The following MTAP variants were observed in gnomAD, a reference collection of about 807,000 sequenced individuals.
MTAP encodes methylthioadenosine phosphorylase.
A neutral mutation model predicts 33.6 loss-of-function variants in MTAP; 33 were observed. That is an observed-to-expected ratio of 0.98 (90% CI 0.74 to 1.31). MTAP has a LOEUF of 1.31. Among genes scored for constraint, MTAP ranks in the 40% most tolerant of loss-of-function variants. The pLI, the probability that MTAP is intolerant of heterozygous loss-of-function variation, is 0.00. For missense variants in MTAP, 367 were observed against 360.0 expected (o/e 1.02, Z -0.16); for synonymous variants, 148 against 125.7 (o/e 1.18, Z -1.19).
rs555865995 is a variant in MTAP, at chr9:21,918,383, A to G, written c.148-12625A>G. Among the ~76,000 whole-genome samples, 143 of 147,208 alleles carry G rather than the reference A, an allele frequency of 9.7e-4. 1 individual carries two copies. The highest frequency in any genetic ancestry group is 1.7e-3 in the Non-Finnish European group (117 of 66,986). Reference sequence around the variant, plus strand: ...AAAAAAAAAAAAAAAAAGAGTGATTAATGGACTTTGGGGGCTCGATGGGGG... The same window carrying G: ...AAAAAAAAAAAAAAAAAGAGTGATTGATGGACTTTGGGGGCTCGATGGGGG... On this transcript the variant is annotated intron_variant, in intron 1 of 1. Transcript: ENST00000577563.
Position 21,862,892 on chromosome 9 carries a change from G to C in MTAP, c.*878G>C. The C allele has an allele frequency of 1.1e-6, 1 of 929,250 alleles. No individual in the cohort carries two copies. The allele number at this position is 929,250 out of a possible 1,614,324, so 57.6% of individuals were successfully genotyped here. On this transcript the variant is annotated 3_prime_UTR_variant, in exon 8 of 8. Transcript: ENST00000644715. ...TTCTGTGTCTTCACATTTTTCTACA[G>C]TGAATTTAATCAAATAGTAAAGTTG...
intron 4 of MTAP, among the ~76,000 whole-genome samples, chr9:21,823,865 A>T (rs148499941): frequency 0.032 from 4,914 of 152,188 alleles, 239 homozygotes; most frequent in Admixed American, 0.15. Flanking sequence ...TCTGATCTTC[A>T]ATCACTGATA....
intron 1 of MTAP, among the ~76,000 whole-genome samples, chr9:21,873,219 CTTTG>C (rs935245604): frequency 5.3e-4 from 81 of 152,202 alleles, no homozygotes; most frequent in East Asian, 3.9e-4. Context: ...CAGTTATTTA[CTTTG>C]TTTTTTATCT....
intron 5 of MTAP, among the ~76,000 whole-genome samples, chr9:21,847,446 C>G (rs765768928): frequency 1.3e-5 from 2 of 152,136 alleles, no homozygotes; most frequent in Admixed American, 1.3e-4. Context: ...GCTAAGGACT[C>G]TACTTCTAAT....
intron 1 of MTAP, among the ~76,000 whole-genome samples, chr9:21,910,203 A>T (rs140513927): frequency 6.6e-6 from 1 of 152,194 alleles, no homozygotes; most frequent in African/African-American, 2.4e-5. Context: ...AACACTTACA[A>T]TGGGCCAGGC....
chr9:21,855,920 T>C (rs906473986), intron 6 of MTAP, among the ~76,000 whole-genome samples: 6 of 152,206 alleles, frequency 3.9e-5, no homozygotes, highest in African/African-American at 1.4e-4. Flanking sequence ...TGTACAAAAA[T>C]AATGATATTA....
Position 21,863,788 on chromosome 9 carries a change from G to C in MTAP, c.*1774G>C, listed in dbSNP as rs1233643940. ...AAGAGTTTGTAAAGTCAATGTGTTT[G>C]TTTGTGTCTCTGAGATTGACTTCAA... On this transcript the variant is annotated 3_prime_UTR_variant, in exon 8 of 8. Coordinates refer to ENST00000644715, the MANE Select transcript of MTAP (RefSeq NM_002451.4). The C allele has an allele frequency of 2.0e-6, 2 of 985,674 alleles. No homozygotes were observed. The highest frequency in any genetic ancestry group is 2.4e-6 in the Non-Finnish European group (2 of 829,912). 61.1% of individuals were successfully genotyped at this position (985,674 alleles called of 1,614,324 possible). A position where few individuals can be genotyped will look rare whatever the true frequency, so the allele number is the denominator to read the frequency against.
chr9:21,851,631 A>G (rs1239670682), intron 5 of MTAP, among the ~76,000 whole-genome samples: 1 of 152,170 alleles, frequency 6.6e-6, no homozygotes, highest in Non-Finnish European at 1.5e-5. Context: ...GATGGTTAAC[A>G]CTGAGTGTTA....
chr9:21,816,034 G>C (rs532889861), intron 2 of MTAP, among the ~76,000 whole-genome samples: 13 of 152,198 alleles, frequency 8.5e-5, no homozygotes, highest in Non-Finnish European at 7.3e-5. Context: ...GAGGTTGCTT[G>C]TTCTCCAAGC....
intron 6 of MTAP, among the ~76,000 whole-genome samples, chr9:21,857,299 C>G (rs962463334): frequency 3.9e-5 from 6 of 152,188 alleles, no homozygotes; most frequent in Non-Finnish European, 8.8e-5. Context: ...CATTCAAAGA[C>G]TCAGCTTAAA....
intron 1 of MTAP, among the ~76,000 whole-genome samples, chr9:21,806,905 T>C (rs1192476528): frequency 6.6e-6 from 1 of 152,170 alleles, no homozygotes; most frequent in Non-Finnish European, 1.5e-5. Context: ...GGCTCATGCC[T>C]GTAATCCCAA....
At chr9:21,882,883 G>A (rs1818037819) in intron 1 of MTAP, among the ~76,000 whole-genome samples, 1 of 151,824 alleles carries the variant, frequency 6.6e-6, no homozygotes, top group Admixed American at 6.6e-5. Context: ...AGAATAAAGT[G>A]TCACTGGAAA....
rs962220326 is a variant in MTAP, at chr9:21,817,301, A to T, written c.179+529A>T. 2.0e-5 allele frequency among the ~76,000 whole-genome samples: 3 copies of T among 152,118 alleles called. 1 individual carries two copies. The South Asian group carries it at 6.2e-4, about 31-fold the overall frequency. On this transcript the variant is annotated intron_variant, in intron 3 of 7. Transcript: ENST00000644715. ...GTTCTCTACTGTTGTGTAACAAATT[A>T]CCACAAATTTAGCAGCTTAAAATAG...
At chr9:21,899,299 G>C (rs936071822) in intron 1 of MTAP, among the ~76,000 whole-genome samples, 1 of 151,856 alleles carries the variant, frequency 6.6e-6, no homozygotes, top group African/African-American at 2.4e-5. Context: ...AAGTTAACGG[G>C]TGCAGCACAC....
At chr9:21,808,835 C>CG (rs1824274295) in intron 1 of MTAP, 1 of 152,082 alleles carries the variant, frequency 6.6e-6, no homozygotes, top group African/African-American at 2.4e-5. Context: ...AGAAAACAGA[C>CG]TAAGAAAAAT....
Position 21,863,082 on chromosome 9 carries a change from G to A in MTAP, c.*1068G>A. ...CATTGATTTCTGTACAGTCAGAACA[G>A]TACTTGGGTTTGCAACAGCTTTCTG... On this transcript the variant is annotated 3_prime_UTR_variant, in exon 8 of 8. Transcript: ENST00000644715. The A allele has an allele frequency of 2.0e-6, 2 of 985,314 alleles. No homozygotes were observed. The highest frequency in any genetic ancestry group is 2.4e-6 in the Non-Finnish European group (2 of 829,844). 61.0% of individuals were successfully genotyped at this position (985,314 alleles called of 1,614,324 possible).
rs1242122458 is a variant in MTAP at position 21,863,410 on chromosome 9, A to G, written c.*1396A>G. 1 of 716,850 alleles carries G rather than the reference A, an allele frequency of 1.4e-6. No individual in the cohort carries two copies. The highest frequency in any genetic ancestry group is 1.7e-6 in the Non-Finnish European group (1 of 584,844). 44.4% of individuals were successfully genotyped at this position (716,850 alleles called of 1,614,324 possible). A position where few individuals can be genotyped will look rare whatever the true frequency, so the allele number is the denominator to read the frequency against. On this transcript the variant is annotated 3_prime_UTR_variant, in exon 8 of 8. Coordinates refer to ENST00000644715, the MANE Select transcript of MTAP (RefSeq NM_002451.4). ...ATCACAAGGTCAGGAGATCGAGACC[A>G]TCCTGGCTAATGCGTTGAAACTCCG...
chr9:21,900,178 G>C lies in MTAP; in HGVS notation c.148-30830G>C, dbSNP rs186441055. On this transcript the variant is annotated intron_variant, in intron 1 of 1. Coordinates refer to the MTAP transcript ENST00000577563. ...TTGCAACAAGAACAAAAATTGACAA[G>C]TGGGACCTAATTAAACTAAAGATCT... Among the ~76,000 whole-genome samples the C allele has an allele frequency of 1.4e-3, 210 of 152,184 alleles. 3 individuals carry two copies. The highest frequency in any genetic ancestry group is 0.012 in the Admixed American group (187 of 15,278).
Position 21,863,038 on chromosome 9 carries a change from T to G in MTAP, c.*1024T>G, listed in dbSNP as rs1825784444. 1 of 985,386 alleles carries G rather than the reference T, an allele frequency of 1.0e-6. No individual in the cohort carries two copies. Among genetic ancestry groups the G allele is most frequent in the Non-Finnish European group, 1.2e-6 (1 of 829,854 alleles). 61.0% of individuals were successfully genotyped at this position (985,386 alleles called of 1,614,324 possible). On this transcript the variant is annotated 3_prime_UTR_variant, in exon 8 of 8. Transcript: ENST00000644715. ...GTCATTTAAGGGAGTTACATCTTTA[T>G]TCTGCTAAAGAAGAGGATCATTGAT... is the stretch of plus-strand genomic sequence containing the variant.
Sources: allele counts gnomAD v4.1 joint callset (sites outside exome capture counted in the v4.1 genomes callset), GRCh38; gene constraint gnomAD v4.1.1; transcripts MANE v1.5; gene names NCBI Gene and HGNC (gene_info 2026-07-23, HGNC 2026-07-21).